The following TRAK1 variants were observed in gnomAD, a reference collection of about 807,000 sequenced individuals.
TRAK1 encodes trafficking kinesin protein 1.
Under a neutral mutation model 92.1 loss-of-function variants are expected in TRAK1, and 33 were observed. The ratio of observed to expected loss-of-function variants is 0.36; its 90% CI spans 0.27 to 0.48. TRAK1 has a LOEUF of 0.48. Among genes scored for constraint, TRAK1 ranks in the 20% least tolerant of loss-of-function variants. TRAK1 has a pLI of 0.99. For missense variants in TRAK1, 1,123 were observed against 1,257.9 expected, an observed-to-expected ratio of 0.89 and a Z score of 1.62; for synonymous variants, 521 against 517.3, an observed-to-expected ratio of 1.01 and a Z score of -0.10.
At chr3:42,133,318 T>C (rs1697462611) in intron 2 of TRAK1, among the ~76,000 whole-genome samples, 1 of 152,170 alleles carries the variant, frequency 6.6e-6, no homozygotes, top group Non-Finnish European at 1.5e-5. Flanking sequence ...TACACCAAAC[T>C]CCCATGACCT....
chr3:42,128,008 A>G (rs1486033619), intron 2 of TRAK1, among the ~76,000 whole-genome samples: 1 of 152,122 alleles, frequency 6.6e-6, no homozygotes, highest in African/African-American at 2.4e-5. Context: ...GAGAAACCCC[A>G]TCTCTACTAA....
intron 2 of TRAK1, among the ~76,000 whole-genome samples, chr3:42,154,965 T>G (rs1689048531): frequency 2.0e-5 from 3 of 151,996 alleles, no homozygotes; most frequent in Admixed American, 6.6e-5. Context: ...GTTGAGGGTA[T>G]AGCAGAGGAA....
At chr3:42,021,452 A>G (rs2148880363) in intron 1 of TRAK1, among the ~76,000 whole-genome samples, 1 of 152,140 alleles carries the variant, frequency 6.6e-6, no homozygotes, top group South Asian at 2.1e-4. Context: ...AATGCAGCAC[A>G]GCATTGATGT....
intron 1 of TRAK1, among the ~76,000 whole-genome samples, chr3:42,113,323 ACT>A (rs1042178198): frequency 1.3e-5 from 2 of 149,846 alleles, no homozygotes; most frequent in African/African-American, 5.0e-5. Flanking sequence ...ATTCTACTCT[ACT>A]CTCTACTCTC....
intron 1 of TRAK1, among the ~76,000 whole-genome samples, chr3:42,019,898 T>A (rs1216134650): frequency 6.6e-6 from 1 of 152,220 alleles, no homozygotes; most frequent in African/African-American, 2.4e-5. Context: ...GAATTTATGT[T>A]TGTCTGAGGA....
At chr3:42,163,474 C>T (rs1178149169) in intron 2 of TRAK1, among the ~76,000 whole-genome samples, 1 of 151,778 alleles carries the variant, frequency 6.6e-6, no homozygotes, top group Non-Finnish European at 1.5e-5. Context: ...GAGGCTGAGG[C>T]AGGGAATTGC....
intron 9 of TRAK1, among the ~76,000 whole-genome samples, chr3:42,194,344 C>G (rs943191093): frequency 6.6e-6 from 1 of 151,980 alleles, no homozygotes; most frequent in Non-Finnish European, 1.5e-5. Context: ...TCTCCAGGCT[C>G]AGGTGATCCT....
Position 42,209,701 on chromosome 3 carries a change from C to T in TRAK1, c.1745-66C>T, listed in dbSNP as rs1271479099. The T allele has an allele frequency of 2.7e-6, 4 of 1,504,672 alleles. No homozygotes were observed. In the East Asian group the frequency reaches 6.8e-5, roughly 26 times the overall value. The allele number at this position is 1,504,672 out of a possible 1,614,324, so 93.2% of individuals were successfully genotyped here. A position where few individuals can be genotyped will look rare whatever the true frequency, so the allele number is the denominator to read the frequency against. On this transcript the variant is annotated intron_variant, in intron 13 of 15. Transcript: ENST00000327628. ...TTTGAGGGTGGTAAACAGCCATTGT[C>T]TTGGACTTCCATCCTAACCCTCTCT...
upstream of TRAK1, chr3:42,091,088 C>G (rs1443998668): frequency 1.3e-5 from 3 of 224,624 alleles, no homozygotes; most frequent in African/African-American, 7.1e-5. Flanking sequence ...CACTCCTCCC[C>G]CAGTTCCCAG....
In TRAK1 at chr3:42,202,480, G is replaced by C. The variant is rs1707767974; in HGVS notation, c.1472G>C (p.Gly491Ala). Reference protein sequence around the residue: ...SKKPGTPGTPGSHDLETALRR... With the variant: ...SKKPGTPGTPASHDLETALRR... ...AAGCCGGGGACGCCGGGCACCCCAG[G>C]CTCCCACGACCTGGAGACGGCGCTG... The change falls in exon 13 of 16, where the codon GGC (glycine) becomes GCC (alanine). Residue 491 changes from glycine to alanine, a missense_variant. Gly to Ala is a moderately conservative substitution (Grantham distance 60). Around this residue, in one of 3 missense-constraint regions of TRAK1, gnomAD observed 686 missense variants for 747.6 expected, o/e 0.92. Coordinates refer to ENST00000327628, the MANE Select transcript of TRAK1 (RefSeq NM_001042646.3). This position sits in a 1 kb window ranked among gnomAD's most constrained non-coding sequence, Gnocchi z 6.1. 6.7e-7 allele frequency: 1 copy of C among 1,497,842 alleles called. No individual in the cohort carries two copies. Among genetic ancestry groups the C allele is most frequent in the Non-Finnish European group, 8.9e-7 (1 of 1,120,452 alleles). 92.8% of individuals were successfully genotyped at this position (1,497,842 alleles called of 1,614,324 possible).
upstream of TRAK1, among the ~76,000 whole-genome samples, chr3:42,089,945 A>G (rs1704917022): frequency 6.6e-6 from 1 of 152,286 alleles, no homozygotes; most frequent in East Asian, 1.9e-4. Flanking sequence ...GAGTACTATT[A>G]TCCTCTTTGT....
intron 2 of TRAK1, among the ~76,000 whole-genome samples, chr3:42,133,968 A>C (rs1452204956): frequency 6.6e-6 from 1 of 152,232 alleles, no homozygotes; most frequent in African/African-American, 2.4e-5. Context: ...CTATTGATGA[A>C]ATAATAAACA....
At chr3:42,085,436 T>C (rs932797608), upstream of TRAK1, among the ~76,000 whole-genome samples, 2 of 152,218 alleles carry the variant, frequency 1.3e-5, no homozygotes, top group Non-Finnish European at 2.9e-5. Flanking sequence ...CCCAAAGTGC[T>C]GGGATTACAG....
intron 4 of TRAK1, 179 bp downstream of exon 4, chr3:42,184,980 C>G (rs1576861919): frequency 1.8e-6 from 1 of 571,160 alleles, no homozygotes; most frequent in Non-Finnish European, 3.1e-6. Context: ...TAAAAGCCAC[C>G]TTCCTGCAGC....
intron 1 of TRAK1, among the ~76,000 whole-genome samples, chr3:42,028,313 A>C (rs1701995204): frequency 6.6e-6 from 1 of 152,142 alleles, no homozygotes; most frequent in Non-Finnish European, 1.5e-5. Flanking sequence ...GGTAAGAATC[A>C]CCTTTGATTA....
intron 1 of TRAK1, among the ~76,000 whole-genome samples, chr3:42,034,603 C>T (rs993495378): frequency 6.6e-6 from 1 of 152,162 alleles, no homozygotes; most frequent in African/African-American, 2.4e-5. Context: ...TGTTGTATTT[C>T]GTTAGTCTTC....
At chr3:42,150,996 T>G (rs970130131) in intron 2 of TRAK1, among the ~76,000 whole-genome samples, 3 of 152,212 alleles carry the variant, frequency 2.0e-5, no homozygotes, top group African/African-American at 7.2e-5. Flanking sequence ...ATCATTGACC[T>G]CCTTCTAGTT....
chr3:42,140,368 G>C (rs1189214039), intron 2 of TRAK1, among the ~76,000 whole-genome samples: 2 of 152,196 alleles, frequency 1.3e-5, no homozygotes, highest in African/African-American at 4.8e-5. Context: ...AGTGGCTCAT[G>C]CCTGTAATCC....
intron 1 of TRAK1, among the ~76,000 whole-genome samples, chr3:42,035,909 T>G (rs1702309380): frequency 6.6e-6 from 1 of 152,248 alleles, no homozygotes; most frequent in Non-Finnish European, 1.5e-5. Context: ...CCCTACTTGC[T>G]TCTCTGCACA....
Sources: gnomAD v4.1 joint callset for allele counts (sites outside exome capture counted in the v4.1 genomes callset) on GRCh38, gnomAD v4.1.1 for gene constraint, gnomAD v4.1.1 regional missense constraint, Gnocchi (gnomAD v3.1) non-coding constraint, MANE v1.5 for transcripts, NCBI Gene and HGNC (gene_info 2026-07-23, HGNC 2026-07-21) for gene names.